The following MAGI1 variants were observed in gnomAD, a reference collection of about 807,000 sequenced individuals.
The protein encoded by MAGI1 is membrane-associated guanylate kinase, WW and PDZ domain-containing protein 1.
A neutral mutation model predicts 139.9 loss-of-function variants in MAGI1; 58 were observed. That is an observed-to-expected ratio of 0.41 (90% CI 0.34 to 0.52). The LOEUF (loss-of-function observed/expected upper bound fraction) is 0.52, where lower values mean the gene tolerates loss of function less well. MAGI1 is among the 20% of genes least tolerant of loss of function. MAGI1 has a pLI of 0.12. For synonymous variants in MAGI1, 812 were observed against 737.9 expected (o/e 1.10, Z -1.63); for missense variants, 1,874 against 1,901.6 (o/e 0.99, Z 0.27).
chr3:65,959,601 T>TTTATTA (rs34295973), intron 1 of MAGI1, among the ~76,000 whole-genome samples: 1,648 of 127,278 alleles, frequency 0.013, 21 homozygotes, highest in Admixed American at 0.026. Context: ...TCCCAGCATT[T>TTTATTA]TTATTATTAT....
At chr3:65,665,024 A>T (rs1397849645) in intron 1 of MAGI1, among the ~76,000 whole-genome samples, 1 of 152,116 alleles carries the variant, frequency 6.6e-6, no homozygotes, top group Non-Finnish European at 1.5e-5. Flanking sequence ...AAGTAACCCC[A>T]CCCAAAATTC....
chr3:65,864,960 T>C (rs2059671716), intron 1 of MAGI1, among the ~76,000 whole-genome samples: 1 of 152,198 alleles, frequency 6.6e-6, no homozygotes, highest in African/African-American at 2.4e-5. Flanking sequence ...TTCAATACTG[T>C]AGATATACAC....
intron 18 of MAGI1, among the ~76,000 whole-genome samples, chr3:65,369,314 G>A (rs939110095): frequency 5.9e-5 from 9 of 152,174 alleles, no homozygotes; most frequent in African/African-American, 2.2e-4. Flanking sequence ...GTGGGAAGCA[G>A]AGTGAGGGAA....
intron 2 of MAGI1, among the ~76,000 whole-genome samples, chr3:65,500,038 A>G (rs558905632): frequency 6.6e-6 from 1 of 152,220 alleles, no homozygotes; most frequent in African/African-American, 2.4e-5. Flanking sequence ...TCACAAAAAA[A>G]CATGCAAACG....
chr3:65,746,490 T>C (rs527351379), intron 1 of MAGI1, among the ~76,000 whole-genome samples: 3 of 152,316 alleles, frequency 2.0e-5, no homozygotes, highest in South Asian at 2.1e-4. Flanking sequence ...GAAATAACTA[T>C]ATCATTGACA....
chr3:65,469,933 T>C (rs1332772316), intron 5 of MAGI1: 1 of 147,856 alleles, frequency 6.8e-6, no homozygotes, highest in Admixed American at 6.8e-5. Context: ...TTTAAATATT[T>C]ATAAATATAT....
intron 1 of MAGI1, among the ~76,000 whole-genome samples, chr3:65,995,766 ATCC>A (rs769104476): frequency 2.6e-4 from 40 of 152,196 alleles, no homozygotes; most frequent in Non-Finnish European, 5.4e-4. Flanking sequence ...ATTCATTTCT[ATCC>A]TCCTCAACAG....
chr3:65,841,519 C>T (rs1416771502), intron 1 of MAGI1, among the ~76,000 whole-genome samples: 4 of 151,776 alleles, frequency 2.6e-5, no homozygotes, highest in African/African-American at 9.7e-5. Context: ...CCTCCGCCTC[C>T]CGGGTTCAAG....
Position 65,493,548 on chromosome 3 carries a change from G to T in MAGI1, c.514C>A (p.Gln172Lys), listed in dbSNP as rs1169838643. ...LTVKEFLDLE[Q>K]SGTLLEVGTY... Reference sequence around the variant, plus strand: ...CCGACTTCCAGAAGAGTCCCACTCTGCTCGAGGTCCAAGAACTCCTTCACA... The same window carrying T: ...CCGACTTCCAGAAGAGTCCCACTCTTCTCGAGGTCCAAGAACTCCTTCACA... Residue 172 changes from glutamine to lysine, a missense_variant, in exon 3 of 23, where the codon CAG (glutamine) becomes AAG (lysine). Physicochemically the swap from Gln to Lys is moderately conservative, Grantham distance 53 (BLOSUM62 1). This residue lies in a region of MAGI1 where 648 missense variants were observed against 598.1 expected (regional missense o/e 1.08). Transcript: ENST00000402939. 1 of 1,614,148 alleles carries T rather than the reference G, an allele frequency of 6.2e-7. No individual in the cohort carries two copies.
intron 2 of MAGI1, among the ~76,000 whole-genome samples, chr3:65,604,991 C>T (rs2082665815): frequency 6.6e-6 from 1 of 152,172 alleles, no homozygotes; most frequent in African/African-American, 2.4e-5. Context: ...AAGCAGCAAG[C>T]TTCCAGTTGT....
intron 1 of MAGI1, among the ~76,000 whole-genome samples, chr3:65,702,018 C>T (rs1024006269): frequency 5.9e-5 from 9 of 151,978 alleles, no homozygotes; most frequent in Admixed American, 3.3e-4. Flanking sequence ...TTTTGCTCTC[C>T]CTAGGATGTG....
At chr3:65,508,600 C>G (rs1475965515) in intron 2 of MAGI1, among the ~76,000 whole-genome samples, 1 of 152,024 alleles carries the variant, frequency 6.6e-6, no homozygotes, top group African/African-American at 2.4e-5. Flanking sequence ...TTACTTTAAG[C>G]CTATAGGATT....
chr3:65,784,559 G>T (rs1190369513), intron 1 of MAGI1, among the ~76,000 whole-genome samples: 2 of 152,098 alleles, frequency 1.3e-5, no homozygotes, highest in African/African-American at 4.8e-5. Flanking sequence ...CAAAAAATTA[G>T]CTGGGCGCGG....
intron 1 of MAGI1, among the ~76,000 whole-genome samples, chr3:66,020,241 A>G (rs1323694098): frequency 6.6e-6 from 1 of 152,224 alleles, no homozygotes. Flanking sequence ...GTTTGAGACC[A>G]GCCTAGCCAA....
intron 2 of MAGI1, among the ~76,000 whole-genome samples, chr3:65,551,966 A>G (rs1458197622): frequency 1.3e-5 from 2 of 152,232 alleles, no homozygotes; most frequent in Non-Finnish European, 2.9e-5. Flanking sequence ...TGATGCTGAT[A>G]AGAGGCAGAA....
intron 2 of MAGI1, among the ~76,000 whole-genome samples, chr3:65,515,246 G>T (rs867188452): frequency 7.1e-5 from 10 of 140,580 alleles, no homozygotes; most frequent in African/African-American, 2.7e-4. Context: ...CCAGCATGGC[G>T]CATGTATACA....
intron 2 of MAGI1, among the ~76,000 whole-genome samples, chr3:65,557,532 T>C (rs1313314495): frequency 1.3e-5 from 2 of 152,220 alleles, no homozygotes; most frequent in Non-Finnish European, 2.9e-5. Flanking sequence ...ATTAAATATA[T>C]CGTTTTAGCT....
intron 2 of MAGI1, among the ~76,000 whole-genome samples, chr3:65,599,021 G>A (rs1037926981): frequency 3.9e-5 from 6 of 152,166 alleles, no homozygotes; most frequent in African/African-American, 1.4e-4. Flanking sequence ...TCATAATCCA[G>A]GTGCTACAGA....
At chr3:65,948,551 G>C (rs1156265497) in intron 1 of MAGI1, among the ~76,000 whole-genome samples, 2 of 152,068 alleles carry the variant, frequency 1.3e-5, no homozygotes, top group Admixed American at 1.3e-4. Flanking sequence ...GTTTGAGTTA[G>C]GCCCAGAAGC....
Sources: gnomAD v4.1 joint callset for allele counts (sites outside exome capture counted in the v4.1 genomes callset) on GRCh38, gnomAD v4.1.1 for gene constraint, gnomAD v4.1.1 regional missense constraint, MANE v1.5 for transcripts, NCBI Gene and HGNC (gene_info 2026-07-23, HGNC 2026-07-21) for gene names.